Variants in NBPF3 observed in about 807,000 individuals in gnomAD.
The protein encoded by NBPF3 is NBPF family member NBPF3.
NBPF3 carries 57 observed loss-of-function variants against 78.1 expected under a neutral mutation model. The ratio of observed to expected loss-of-function variants is 0.73; its 90% CI spans 0.59 to 0.91. The LOEUF (loss-of-function observed/expected upper bound fraction) is 0.91, where lower values mean the gene tolerates loss of function less well. Ranked by LOEUF, NBPF3 falls within the 40% of genes least tolerant of loss-of-function variation. The pLI is 0.00. For synonymous variants in NBPF3, 182 were observed against 271.7 expected (o/e 0.67, Z 3.25); for missense variants, 510 against 715.3 (o/e 0.71, Z 3.27).
At chr1:21,465,234 C>T (rs6703272) in intron 2 of NBPF3, among the ~76,000 whole-genome samples, 2 of 135,164 alleles carry the variant, frequency 1.5e-5, no homozygotes, top group Non-Finnish European at 3.3e-5. Context: ...TGTGTGCCTC[C>T]ATTTCTTCAT....
chr1:21,448,473 T>G (rs375046918), intron 2 of NBPF3, among the ~76,000 whole-genome samples: 70 of 152,300 alleles, frequency 4.6e-4, no homozygotes, highest in African/African-American at 1.7e-3. Context: ...CTGTATTCCT[T>G]TTCCACGAAT....
Position 21,484,780 on chromosome 1 carries a change from A to G in NBPF3, c.*1394A>G, listed in dbSNP as rs1400290463. On this transcript the variant is annotated 3_prime_UTR_variant, in exon 15 of 15. Transcript: ENST00000318249. ...TCTACGCTGGAAATTTGCTGCCTCA[A>G]TGTTTACTGTGCCTTTGTTTTTGCT... is the stretch of plus-strand genomic sequence containing the variant. The G allele has an allele frequency of 1.1e-4, 7 of 62,762 alleles. 2 individuals are homozygous for G. The highest frequency in any genetic ancestry group is 2.7e-4 in the Non-Finnish European group (7 of 25,704). 3.9% of individuals were successfully genotyped at this position (62,762 alleles called of 1,614,324 possible). A position where few individuals can be genotyped will look rare whatever the true frequency, so the allele number is the denominator to read the frequency against.
chr1:21,446,912 TCTC>T (rs1032264427), intron 2 of NBPF3, among the ~76,000 whole-genome samples: 4 of 152,122 alleles, frequency 2.6e-5, no homozygotes, highest in African/African-American at 9.7e-5. Flanking sequence ...TGAGGCTGCT[TCTC>T]CTTAACCGAT....
chr1:21,478,228 G>A lies in NBPF3; in HGVS notation c.1077G>A (p.Met359Ile). 2 of 1,614,176 alleles carry A rather than the reference G, an allele frequency of 1.2e-6. No homozygotes were observed. Among genetic ancestry groups the A allele is most frequent in the African/African-American group, 1.3e-5 (1 of 75,048 alleles). ...GDWTLSIPPDMSASYQSDRST... is the reference protein window; with the variant it reads ...GDWTLSIPPDISASYQSDRST... ...GGACTCTCTCAATTCCTCCTGACAT[G>A]TCTGCCTCATACCAGTCTGACAGGA... is the stretch of plus-strand genomic sequence containing the variant. Residue 359 changes from methionine (M) to isoleucine (I), a missense_variant, in exon 9 of 15, where the codon ATG becomes ATA. This residue lies in a region of NBPF3 where 440 missense variants were observed against 478.2 expected (regional missense o/e 0.92). Coordinates refer to ENST00000318249, the MANE Select transcript of NBPF3 (RefSeq NM_032264.6).
chr1:21,464,440 CAGAG>C (rs1300934903), intron 2 of NBPF3, among the ~76,000 whole-genome samples: 1 of 151,708 alleles, frequency 6.6e-6, no homozygotes, highest in Non-Finnish European at 1.5e-5. Flanking sequence ...TAGTGGTTGT[CAGAG>C]AGCACAAGAG....
chr1:21,439,132 G>A (rs1270377424), upstream of NBPF3, among the ~76,000 whole-genome samples: 2 of 152,164 alleles, frequency 1.3e-5, no homozygotes, highest in African/African-American at 4.8e-5. Context: ...TGGGAAGGGA[G>A]GCTGGGTGTG....
intron 2 of NBPF3, among the ~76,000 whole-genome samples, chr1:21,464,457 G>A (rs1642140153): frequency 1.3e-5 from 2 of 151,882 alleles, no homozygotes; most frequent in African/African-American, 4.8e-5. Flanking sequence ...CACAAGAGGG[G>A]GGGAATTGGA....
chr1:21,463,849 A>G (rs1642099089), intron 2 of NBPF3, among the ~76,000 whole-genome samples: 1 of 152,378 alleles, frequency 6.6e-6, no homozygotes, highest in East Asian at 1.9e-4. Flanking sequence ...AGCACATGCA[A>G]AGATGTTCAA....
At chr1:21,451,258 A>C (rs4311854) in intron 2 of NBPF3, among the ~76,000 whole-genome samples, 3 of 151,976 alleles carry the variant, frequency 2.0e-5, no homozygotes, top group Non-Finnish European at 4.4e-5. Flanking sequence ...CCAGTTTTTC[A>C]TATTATGAAT....
chr1:21,480,636 GC>G (rs1413888468), intron 11 of NBPF3, among the ~76,000 whole-genome samples: 1 of 152,310 alleles, frequency 6.6e-6, no homozygotes, highest in Non-Finnish European at 1.5e-5. Flanking sequence ...ATCATCTGGG[GC>G]ATTTTCTTTG....
rs775331586 is a variant in NBPF3 at position 21,483,212 on chromosome 1, G to A, written c.1728G>A (p.Ser576=). ...AGGACTCACTGGATAGATGTTATTC[G>A]ACTACTTCAACTTACTTTCAACTAC... ...VLQDSLDRCY[S]TTSTYFQLHA... The change falls in exon 15 of 15, where the codon TCG becomes TCA. Residue 576 remains serine, a synonymous_variant. Coordinates refer to ENST00000318249, the MANE Select transcript of NBPF3 (RefSeq NM_032264.6). The A allele has an allele frequency of 8.9e-6, 14 of 1,580,168 alleles. 1 individual carries two copies. Among genetic ancestry groups the A allele is most frequent in the South Asian group, 5.6e-5 (5 of 88,990 alleles).
chr1:21,444,676 G>A (rs1640857856), intron 1 of NBPF3, among the ~76,000 whole-genome samples: 1 of 152,128 alleles, frequency 6.6e-6, no homozygotes, highest in African/African-American at 2.4e-5. Flanking sequence ...TCCTGCCTCA[G>A]CCTCCCGAGT....
At chr1:21,474,987 G>A (rs766916911) in intron 8 of NBPF3, 36 bp downstream of exon 8, 80 of 1,564,746 alleles carry the variant, frequency 5.1e-5, no homozygotes, top group Non-Finnish European at 7.0e-5. Context: ...TAATTCAATA[G>A]TGGCAGCTGG....
At chr1:21,479,474 A>C in intron 10 of NBPF3, 74 bp downstream of exon 10, 2 of 1,301,674 alleles carry the variant, frequency 1.5e-6, no homozygotes, top group Non-Finnish European at 2.2e-6. Context: ...AAAGCAGTAC[A>C]TGCTGAAAAT....
At chr1:21,451,898 C>A in intron 2 of NBPF3, 3 of 967,384 alleles carry the variant, frequency 3.1e-6, no homozygotes, top group Non-Finnish European at 3.7e-6. Context: ...AAATGTGAGC[C>A]TATGGATCAA....
At chr1:21,436,819 G>GGCTT (rs1640435271), upstream of NBPF3, 3 of 1,068,934 alleles carry the variant, frequency 2.8e-6, no homozygotes, top group Admixed American at 8.4e-5. This position sits in a 1 kb window ranked among gnomAD's most constrained non-coding sequence, Gnocchi z 4.3. Context: ...GGTAGGAAGG[G>GGCTT]GCTTGAGCGT....
intron 8 of NBPF3, 159 bp from the exon 9 acceptor site, chr1:21,477,985 C>T: frequency 5.3e-6 from 8 of 1,504,674 alleles, no homozygotes; most frequent in Non-Finnish European, 7.2e-6. Flanking sequence ...CACCCTCCAG[C>T]CTGCATTTAG....
intron 1 of NBPF3, among the ~76,000 whole-genome samples, chr1:21,442,601 T>C (rs1640719245): frequency 6.6e-6 from 1 of 152,200 alleles, no homozygotes; most frequent in Non-Finnish European, 1.5e-5. Context: ...AAGAAATCAA[T>C]GCCTAACCTA....
intron 2 of NBPF3, among the ~76,000 whole-genome samples, chr1:21,447,677 A>G (rs1395588841): frequency 2.6e-5 from 4 of 152,170 alleles, no homozygotes; most frequent in African/African-American, 9.7e-5. Flanking sequence ...GGTACTTCCA[A>G]GTTTTGGCAA....
Sources: gnomAD v4.1 joint callset for allele counts (sites outside exome capture counted in the v4.1 genomes callset) on GRCh38, gnomAD v4.1.1 for gene constraint, gnomAD v4.1.1 regional missense constraint, Gnocchi (gnomAD v3.1) non-coding constraint, MANE v1.5 for transcripts, NCBI Gene and HGNC (gene_info 2026-07-23, HGNC 2026-07-21) for gene names.